The following DLEU7 variants were observed in gnomAD, a reference collection of about 807,000 sequenced individuals.
The protein encoded by DLEU7 is leukemia-associated protein 7.
A neutral mutation model predicts 16.0 loss-of-function variants in DLEU7; 17 were observed. That is an observed-to-expected ratio of 1.06 (90% CI 0.73 to 1.59). The LOEUF (loss-of-function observed/expected upper bound fraction) is 1.59, where lower values mean the gene tolerates loss of function less well. Among genes scored for constraint, DLEU7 ranks in the 40% most tolerant of loss-of-function variants. The pLI is 0.00. For missense variants in DLEU7, 308 were observed against 314.9 expected (o/e 0.98, Z 0.17); for synonymous variants, 113 against 139.8 (o/e 0.81, Z 1.35).
At chr13:50,781,019 A>C (rs1875636283) in intron 1 of DLEU7, among the ~76,000 whole-genome samples, 1 of 152,206 alleles carries the variant, frequency 6.6e-6, no homozygotes, top group South Asian at 2.1e-4. Flanking sequence ...TCAAGCAATC[A>C]ATCAAACATG....
chr13:50,808,557 G>C (rs1293965550), intron 1 of DLEU7: 1 of 152,088 alleles, frequency 6.6e-6, no homozygotes, highest in East Asian at 1.9e-4. Flanking sequence ...AGCAGTATCT[G>C]ACACAGATAT....
At chr13:50,737,952 A>C (rs1874125782) in intron 1 of DLEU7, among the ~76,000 whole-genome samples, 1 of 152,154 alleles carries the variant, frequency 6.6e-6, no homozygotes. Context: ...CAAAGAAAAA[A>C]ATTCCTGAAG....
intron 1 of DLEU7, among the ~76,000 whole-genome samples, chr13:50,841,393 G>A (rs914005185): frequency 6.6e-6 from 1 of 151,924 alleles, no homozygotes; most frequent in African/African-American, 2.4e-5. Flanking sequence ...AAAATAACAT[G>A]TATTTTTTTT....
chr13:50,828,502 C>T (rs1468912996), intron 1 of DLEU7, among the ~76,000 whole-genome samples: 1 of 152,086 alleles, frequency 6.6e-6, no homozygotes, highest in Non-Finnish European at 1.5e-5. Flanking sequence ...CAGTGAGAAA[C>T]ACTTTGACTT....
chr13:50,791,829 G>GA (rs1392845235), intron 1 of DLEU7, among the ~76,000 whole-genome samples: 3 of 152,212 alleles, frequency 2.0e-5, no homozygotes, highest in African/African-American at 7.2e-5. Flanking sequence ...TTAAGAGCCT[G>GA]ACGCCTTTAC....
At chr13:50,789,917 TTC>T (rs1019359942) in intron 1 of DLEU7, among the ~76,000 whole-genome samples, 6 of 147,174 alleles carry the variant, frequency 4.1e-5, no homozygotes, top group Admixed American at 3.4e-4. Context: ...GCCACCTTTT[TTC>T]TCTTTCTTTC....
intron 1 of DLEU7, among the ~76,000 whole-genome samples, chr13:50,767,356 T>G (rs1026918836): frequency 6.7e-6 from 1 of 148,312 alleles, no homozygotes; most frequent in African/African-American, 2.5e-5. Context: ...CGCGGGAGGC[T>G]GAGGCAGGAG....
upstream of DLEU7, chr13:50,843,847 A>C: frequency 1.5e-6 from 1 of 651,894 alleles, no homozygotes; most frequent in Non-Finnish European, 2.4e-6. The surrounding 1 kb of genome is among the most constrained non-coding windows in gnomAD (Gnocchi z 5.7). Context: ...AGTCCGAATC[A>C]GGCGTGTTCT....
chr13:50,791,573 C>G (rs1359451951), intron 1 of DLEU7, among the ~76,000 whole-genome samples: 1 of 152,094 alleles, frequency 6.6e-6, no homozygotes. Context: ...CTGGAAACAT[C>G]CCCATCTCCC....
At chr13:50,747,371 T>A (rs61962351) in intron 1 of DLEU7, among the ~76,000 whole-genome samples, 692 of 66,078 alleles carry the variant, frequency 0.01, 9 homozygotes, top group African/African-American at 0.055. Flanking sequence ...TGTGTGTGTG[T>A]GACAGAGAGG....
intron 1 of DLEU7, among the ~76,000 whole-genome samples, chr13:50,748,228 C>CTTTTTTTTTTTTTTTTTTTTTTT (rs71085044): frequency 2.2e-5 from 2 of 89,218 alleles, no homozygotes; most frequent in African/African-American, 4.3e-5. Flanking sequence ...ACTCCTTAAA[C>CTTTTTTTTTTTTTTTTTTTTTTT]TTTTTTTTTT....
chr13:50,742,116 T>C (rs1874266659), intron 1 of DLEU7, among the ~76,000 whole-genome samples: 1 of 152,144 alleles, frequency 6.6e-6, no homozygotes, highest in African/African-American at 2.4e-5. Flanking sequence ...TTAAAATTGC[T>C]TGTCCCAGAA....
chr13:50,715,899 T>C (rs1873426723), intron 1 of DLEU7, among the ~76,000 whole-genome samples: 1 of 152,234 alleles, frequency 6.6e-6, no homozygotes. Flanking sequence ...TAAGTTTGGC[T>C]GTCATGCCCT....
At chr13:50,774,250 C>T (rs75133661) in intron 1 of DLEU7, among the ~76,000 whole-genome samples, 2,910 of 152,246 alleles carry the variant, frequency 0.019, 100 homozygotes, top group African/African-American at 0.066. Flanking sequence ...CACTCTGCTT[C>T]GTCTCACCCT....
At chr13:50,720,620 A>G (rs1484541529) in intron 1 of DLEU7, among the ~76,000 whole-genome samples, 1 of 152,204 alleles carries the variant, frequency 6.6e-6, no homozygotes, top group Non-Finnish European at 1.5e-5. Flanking sequence ...ACTAAATTCT[A>G]TCCTAATATT....
At chr13:50,821,465 C>T (rs1393466031), downstream of DLEU7, among the ~76,000 whole-genome samples, 6 of 152,098 alleles carry the variant, frequency 3.9e-5, no homozygotes. Context: ...ATCTTGACAG[C>T]AGATTTACCA....
chr13:50,733,412 T>C (rs758734821), intron 1 of DLEU7, among the ~76,000 whole-genome samples: 19 of 152,212 alleles, frequency 1.2e-4, no homozygotes, highest in Non-Finnish European at 2.4e-4. Flanking sequence ...CTTTCAGTAT[T>C]CAGCAGCTTT....
chr13:50,759,052 A>T (rs867348793), intron 1 of DLEU7, among the ~76,000 whole-genome samples: 29 of 152,246 alleles, frequency 1.9e-4, no homozygotes, highest in Admixed American at 5.9e-4. Context: ...ATCATTAGCT[A>T]CCACAAGAAA....
At chr13:50,750,088 A>G (rs945855999) in intron 1 of DLEU7, among the ~76,000 whole-genome samples, 2 of 152,182 alleles carry the variant, frequency 1.3e-5, no homozygotes, top group Non-Finnish European at 2.9e-5. Flanking sequence ...TAAGTCCTTA[A>G]TCCATCTTGA....
Sources: allele counts gnomAD v4.1 joint callset (sites outside exome capture counted in the v4.1 genomes callset), GRCh38; gene constraint gnomAD v4.1.1; non-coding constraint Gnocchi (gnomAD v3.1); transcripts MANE v1.5; gene names NCBI Gene and HGNC (gene_info 2026-07-23, HGNC 2026-07-21).